The following PAH variants were observed in gnomAD, a reference collection of about 807,000 sequenced individuals.
PAH encodes phenylalanine-4-hydroxylase.
PAH carries 64 observed loss-of-function variants against 62.0 expected under a neutral mutation model. That is an observed-to-expected ratio of 1.03 (90% confidence interval 0.84 to 1.27). The LOEUF (loss-of-function observed/expected upper bound fraction) is 1.27, where lower values mean the gene tolerates loss of function less well. Among genes scored for constraint, PAH ranks in the 50% most tolerant of loss-of-function variants. The pLI, the probability that PAH is intolerant of heterozygous loss-of-function variation, is 0.00. For synonymous variants in PAH, 195 were observed against 196.2 expected, an observed-to-expected ratio of 0.99 and a Z score of 0.05; for missense variants, 579 against 542.8, an observed-to-expected ratio of 1.07 and a Z score of -0.66.
Position 102,924,359 on chromosome 12 carries a change from G to T in PAH, c.-95-7134C>A, listed in dbSNP as rs772274841. On this transcript the variant is annotated intron_variant, in intron 1 of 3. Coordinates refer to the PAH transcript ENST00000546844. ...CTATTAGCAGCAACTAGACTGATGG[G>T]TTTTTTTTTTAAATTAAGCTACTTC... is the stretch of plus-strand genomic sequence containing the variant. Among the ~76,000 whole-genome samples, 125 of 149,792 alleles carry T rather than the reference G, an allele frequency of 8.3e-4. 1 individual carries two copies. The highest frequency in any genetic ancestry group is 2.1e-3 in the African/African-American group (87 of 40,986).
At chr12:102,903,404 A>C (rs1040271722) in intron 2 of PAH, among the ~76,000 whole-genome samples, 1 of 116,258 alleles carries the variant, frequency 8.6e-6, no homozygotes, top group African/African-American at 4.9e-5. Context: ...AACAAAAAAA[A>C]ACAACCTTAT....
At chr12:102,843,523 A>G (rs1470248627) in intron 11 of PAH, 123 bp downstream of exon 11, 1 of 987,086 alleles carries the variant, frequency 1.0e-6, no homozygotes, top group Non-Finnish European at 1.6e-6. Context: ...TGGGAGAGAA[A>G]CTGTCTATGG....
At chr12:102,890,865 C>T (rs895042776) in intron 3 of PAH, among the ~76,000 whole-genome samples, 3 of 152,080 alleles carry the variant, frequency 2.0e-5, no homozygotes, top group African/African-American at 7.2e-5. Flanking sequence ...GGCGGATCAC[C>T]TGAGGTCAGG....
chr12:102,914,873 C>T (rs1878328097), intron 1 of PAH, among the ~76,000 whole-genome samples: 1 of 152,210 alleles, frequency 6.6e-6, no homozygotes. Context: ...ATCTCATCTT[C>T]TCCAGAAATG....
chr12:102,916,964 G>T, intron 1 of PAH, 107 bp downstream of exon 1: 1 of 1,005,708 alleles, frequency 9.9e-7, no homozygotes, highest in Non-Finnish European at 1.6e-6. Flanking sequence ...AACGAATTCA[G>T]ACTTCTTACT....
chr12:102,903,931 C>T (rs1877869218), intron 2 of PAH, among the ~76,000 whole-genome samples: 1 of 152,148 alleles, frequency 6.6e-6, no homozygotes, highest in African/African-American at 2.4e-5. Context: ...AAGCCACTTA[C>T]AGTAAAGACT....
chr12:102,846,983 T>C (rs757967287), intron 8 of PAH, 32 bp from the exon 9 acceptor site: 2 of 1,596,406 alleles, frequency 1.3e-6, no homozygotes, highest in Non-Finnish European at 1.7e-6. Context: ...ACCTGTTCTG[T>C]TCCTGTAATT....
chr12:102,837,463 G>A lies in PAH; in HGVS notation c.*1712C>T, dbSNP rs1305825712. 1 of 152,192 alleles carries A rather than the reference G, an allele frequency of 6.6e-6. No individual in the cohort carries two copies. The highest frequency in any genetic ancestry group is 2.4e-5 in the African/African-American group (1 of 41,450). 9.4% of individuals were successfully genotyped at this position (152,192 alleles called of 1,614,324 possible). ...TTGTTTGGTGTTTAGAGTAAAAGCA[G>A]AGAAAAAAGTCCTTTTTCACTTTTA... On this transcript the variant is annotated 3_prime_UTR_variant, in exon 13 of 13. Coordinates refer to ENST00000553106, the MANE Select transcript of PAH (RefSeq NM_000277.3).
rs569495604 is a variant in PAH, at chr12:102,839,096, C to T, written c.*79G>A. The T allele has an allele frequency of 1.4e-4, 191 of 1,356,388 alleles. 2 individuals carry two copies. In the East Asian group the frequency reaches 3.2e-3, roughly 23 times the overall value. 84.0% of individuals were successfully genotyped at this position (1,356,388 alleles called of 1,614,324 possible). A position where few individuals can be genotyped will look rare whatever the true frequency, so the allele number is the denominator to read the frequency against. On this transcript the variant is annotated 3_prime_UTR_variant, in exon 13 of 13. Coordinates refer to ENST00000553106, the MANE Select transcript of PAH (RefSeq NM_000277.3). ...TTATTTCAAATTAAGGTTTGCTTTT[C>T]GGACTTTTTCTGATGAAAGAAATAG...
At chr12:102,849,581 T>A (rs1875058280) in intron 8 of PAH, among the ~76,000 whole-genome samples, 2 of 152,194 alleles carry the variant, frequency 1.3e-5, no homozygotes, top group South Asian at 4.1e-4. Context: ...CATCTCTATA[T>A]CACTCCCTGG....
At chr12:102,951,704 C>G (rs1879767243), upstream of PAH, among the ~76,000 whole-genome samples, 1 of 152,134 alleles carries the variant, frequency 6.6e-6, no homozygotes, top group African/African-American at 2.4e-5. Flanking sequence ...CGGTCACTCA[C>G]GTCCACGGTT....
intron 10 of PAH, 75 bp downstream of exon 10, chr12:102,844,261 A>C: frequency 9.6e-7 from 1 of 1,046,656 alleles, no homozygotes; most frequent in East Asian, 2.4e-5. Flanking sequence ...GGGTTTCAAC[A>C]ATATTGAAAG....
At chr12:102,846,077 T>A (rs1461355961) in intron 9 of PAH, among the ~76,000 whole-genome samples, 1 of 152,176 alleles carries the variant, frequency 6.6e-6, no homozygotes, top group African/African-American at 2.4e-5. Flanking sequence ...ATTTAAATAG[T>A]TAAATTTTTA....
Position 102,877,446 on chromosome 12 carries a change from C to A in PAH, c.441+16G>T. Reference sequence around the variant, plus strand: ...GAGGCACTGAAAAAATCTCATCCTACGGGCCATGGACTCACAGGGTGGTCA... The same window carrying A: ...GAGGCACTGAAAAAATCTCATCCTAAGGGCCATGGACTCACAGGGTGGTCA... On this transcript the variant is annotated intron_variant, in intron 4 of 12. Transcript: ENST00000553106. 3 of 1,596,446 alleles carry A rather than the reference C, an allele frequency of 1.9e-6. No homozygotes were observed. The highest frequency in any genetic ancestry group is 2.6e-6 in the Non-Finnish European group (3 of 1,163,952).
Position 102,846,888 on chromosome 12 carries a change from G to C in PAH, c.969+7C>G, listed in dbSNP as rs80324017. On this transcript the variant is annotated splice_region_variant and intron_variant, in intron 9 of 12. Coordinates refer to ENST00000553106, the MANE Select transcript of PAH (RefSeq NM_000277.3). Reference sequence around the variant, plus strand: ...CCACCATCCACCCAGGGAGAGAAGGGACTTACTGTGGCGAGCTTTTCAATG... The same window carrying C: ...CCACCATCCACCCAGGGAGAGAAGGCACTTACTGTGGCGAGCTTTTCAATG... 1.9e-6 allele frequency: 3 copies of C among 1,612,146 alleles called. No individual in the cohort carries two copies. The African/African-American group carries it at 4.0e-5, about 22-fold the overall frequency.
intron 3 of PAH, among the ~76,000 whole-genome samples, chr12:102,878,321 T>G (rs906461235): frequency 6.6e-6 from 1 of 152,104 alleles, no homozygotes; most frequent in Non-Finnish European, 1.5e-5. Flanking sequence ...CAGAGTCAGA[T>G]AGTTGGGATC....
intron 4 of PAH, among the ~76,000 whole-genome samples, chr12:102,873,089 A>T (rs1206289594): frequency 1.3e-5 from 2 of 151,712 alleles, no homozygotes; most frequent in African/African-American, 4.8e-5. Context: ...TGTAGCCTAG[A>T]CTCCAGTGCA....
intron 11 of PAH, among the ~76,000 whole-genome samples, chr12:102,843,241 G>C (rs1441638340): frequency 1.3e-5 from 2 of 152,134 alleles, no homozygotes; most frequent in Admixed American, 6.5e-5. Flanking sequence ...GTTGGTTAGA[G>C]AAAGACATAT....
intron 3 of PAH, among the ~76,000 whole-genome samples, chr12:102,881,363 A>G (rs1876806513): frequency 6.6e-6 from 1 of 151,714 alleles, no homozygotes; most frequent in Admixed American, 6.6e-5. Flanking sequence ...AAAATTATAA[A>G]TACAATGTAA....
Sources: allele counts gnomAD v4.1 joint callset (sites outside exome capture counted in the v4.1 genomes callset), GRCh38; gene constraint gnomAD v4.1.1; transcripts MANE v1.5; gene names NCBI Gene and HGNC (gene_info 2026-07-23, HGNC 2026-07-21).